TENM3: variants seen among roughly 807,000 people sequenced by gnomAD.
The protein encoded by TENM3 is teneurin-3.
A neutral mutation model predicts 255.1 loss-of-function variants in TENM3; 63 were observed. The ratio of observed to expected loss-of-function variants is 0.25; its 90% CI spans 0.20 to 0.30. The LOEUF (loss-of-function observed/expected upper bound fraction) is 0.30, where lower values mean the gene tolerates loss of function less well. Ranked by LOEUF, TENM3 falls within the 10% of genes least tolerant of loss-of-function variation. TENM3 has a pLI of 1.00. For missense variants in TENM3, 2,929 were observed against 3,461.1 expected, an observed-to-expected ratio of 0.85 and a Z score of 3.86; for synonymous variants, 1,306 against 1,322.3, an observed-to-expected ratio of 0.99 and a Z score of 0.27.
intron 3 of TENM3, among the ~76,000 whole-genome samples, chr4:182,593,551 A>G (rs778502866): frequency 1.3e-5 from 2 of 152,096 alleles, no homozygotes; most frequent in African/African-American, 2.4e-5. Context: ...AGATTAGGGT[A>G]TTTGTTCCCT....
rs541163142 is a variant in TENM3 at position 182,611,101 on chromosome 4, CTAGT to C, written c.749+9945_749+9948del. On this transcript the variant is annotated intron_variant, in intron 4 of 27. Transcript: ENST00000511685. The stretch of plus-strand genomic sequence containing the variant: ...TAGTAATTGGCCTGAGGTCACATGA[CTAGT>C]TAGTGGCAATACTCAGCTAGATGAC... Among the ~76,000 whole-genome samples the C allele has an allele frequency of 2.3e-3, 345 of 152,098 alleles. 1 individual carries two copies. Among genetic ancestry groups the C allele is most frequent in the Non-Finnish European group, 4.3e-3 (292 of 68,002 alleles).
At chr4:181,656,260 G>A in the TENM3 span, among the ~76,000 whole-genome samples, 3 of 152,272 alleles carry the variant, frequency 2.0e-5, no homozygotes, top group South Asian at 6.2e-4. Flanking sequence ...AATGTAGAAA[G>A]GATGACACAG....
chr4:182,731,313 G>T (rs550962013), intron 16 of TENM3, among the ~76,000 whole-genome samples, 174 bp downstream of exon 16: 1 of 152,120 alleles, frequency 6.6e-6, no homozygotes, highest in African/African-American at 2.4e-5. Flanking sequence ...AGACCAGCCT[G>T]GCCAACATAG....
chr4:182,758,747 G>A (rs1321407271), intron 22 of TENM3, among the ~76,000 whole-genome samples: 1 of 152,028 alleles, frequency 6.6e-6, no homozygotes, highest in African/African-American at 2.4e-5. Context: ...TTTGACAATG[G>A]CCAGAGTGTC....
chr4:182,292,815 G>T (rs1258096628), intron 1 of TENM3, among the ~76,000 whole-genome samples: 1 of 152,186 alleles, frequency 6.6e-6, no homozygotes. Context: ...TGCTAAGGAA[G>T]TACATTAGGC....
the TENM3 span, among the ~76,000 whole-genome samples, chr4:182,120,070 C>T: frequency 8.3e-6 from 1 of 120,422 alleles, no homozygotes; most frequent in East Asian, 2.6e-4. Flanking sequence ...CATTACCACA[C>T]AAATACACAC....
chr4:181,688,394 G>T, the TENM3 span, among the ~76,000 whole-genome samples: 10 of 152,208 alleles, frequency 6.6e-5, no homozygotes, highest in South Asian at 2.1e-3. Context: ...GGGAAAAAAT[G>T]AAAAATCAGT....
At chr4:181,608,354 G>A in the TENM3 span, among the ~76,000 whole-genome samples, 1 of 152,178 alleles carries the variant, frequency 6.6e-6, no homozygotes, top group Non-Finnish European at 1.5e-5. Flanking sequence ...CTCTCCAAGA[G>A]GTTCCAGGAG....
intron 3 of TENM3, among the ~76,000 whole-genome samples, chr4:182,586,258 T>C (rs1236210193): frequency 6.6e-6 from 1 of 152,148 alleles, no homozygotes; most frequent in Non-Finnish European, 1.5e-5. Flanking sequence ...CCCTCTCTCT[T>C]AGAGGCACAA....
At chr4:182,238,857 C>T (rs1322699426), upstream of TENM3, among the ~76,000 whole-genome samples, 1 of 151,948 alleles carries the variant, frequency 6.6e-6, no homozygotes, top group African/African-American at 2.4e-5. Flanking sequence ...AGTTACCTAC[C>T]GCGGTGACTC....
chr4:181,994,444 C>T, the TENM3 span, among the ~76,000 whole-genome samples: 1 of 152,008 alleles, frequency 6.6e-6, no homozygotes, highest in African/African-American at 2.4e-5. Context: ...GACATACTCG[C>T]TGGGTAGTTT....
At chr4:182,594,689 T>A (rs1469625228) in intron 3 of TENM3, among the ~76,000 whole-genome samples, 1 of 23,744 alleles carries the variant, frequency 4.2e-5, no homozygotes, top group Non-Finnish European at 1.8e-4. Flanking sequence ...TTTTGGTGTG[T>A]GTGTGTGTGT....
In TENM3 at chr4:182,317,103, G is replaced by T. The variant is rs189484698; in HGVS notation, c.-75-6843G>T. Among the ~76,000 whole-genome samples the T allele has an allele frequency of 1.8e-4, 27 of 152,226 alleles. No homozygotes were observed. The East Asian group carries it at 3.7e-3, about 21-fold the overall frequency. ...ACTGCAATCTTGGCTGGAAGCAAAA[G>T]GTGGCTTCTTATTTATTATTGCTGT... On this transcript the variant is annotated intron_variant, in intron 1 of 27. Transcript: ENST00000511685.
chr4:182,111,189 CTTTTTTTTT>C, the TENM3 span, among the ~76,000 whole-genome samples: 2 of 80,524 alleles, frequency 2.5e-5, no homozygotes, highest in African/African-American at 1.1e-4. Flanking sequence ...GTCTTCTTCT[CTTTTTTTTT>C]TTTTTTTTTT....
At chr4:181,997,210 TA>T in the TENM3 span, among the ~76,000 whole-genome samples, 2 of 152,116 alleles carry the variant, frequency 1.3e-5, no homozygotes, top group Non-Finnish European at 2.9e-5. Flanking sequence ...GATTCGTAAA[TA>T]GTTGGTTTTA....
chr4:182,147,897 TAA>T (rs1257324234), intron 1 of TENM3, among the ~76,000 whole-genome samples: 1 of 152,176 alleles, frequency 6.6e-6, no homozygotes, highest in Non-Finnish European at 1.5e-5. Context: ...TTACGTTATT[TAA>T]AAGTTTCGAC....
At chr4:181,751,957 T>A in the TENM3 span, among the ~76,000 whole-genome samples, 10 of 152,266 alleles carry the variant, frequency 6.6e-5, no homozygotes, top group East Asian at 1.7e-3. Context: ...ATACCACAGG[T>A]TTTTTGTAAT....
the TENM3 span, among the ~76,000 whole-genome samples, chr4:181,505,768 A>T: frequency 2.0e-5 from 3 of 152,214 alleles, no homozygotes; most frequent in Non-Finnish European, 4.4e-5. Context: ...AAATTCAATT[A>T]GGGTTCTCTG....
chr4:181,925,030 G>A, the TENM3 span, among the ~76,000 whole-genome samples: 4 of 152,206 alleles, frequency 2.6e-5, no homozygotes, highest in African/African-American at 9.6e-5. Flanking sequence ...GTGTGTGACA[G>A]AGCGTCTTCT....
Sources: allele counts gnomAD v4.1 joint callset (sites outside exome capture counted in the v4.1 genomes callset), GRCh38; gene constraint gnomAD v4.1.1; transcripts MANE v1.5; gene names NCBI Gene and HGNC (gene_info 2026-07-23, HGNC 2026-07-21).